The following USP39 variants were observed in gnomAD, a reference collection of about 807,000 sequenced individuals.
The protein encoded by USP39 is ubiquitin specific peptidase 39, also known as ubiquitin carboxyl-terminal hydrolase 39.
In USP39, 38 loss-of-function variants were observed where a neutral mutation model predicts 66.4. That is an observed-to-expected ratio of 0.57 (90% CI 0.44 to 0.75). The LOEUF is 0.75. Among genes scored for constraint, USP39 ranks in the 30% least tolerant of loss-of-function variants. The pLI is 0.00. For synonymous variants in USP39, 303 were observed against 274.6 expected (o/e 1.10, Z -1.02); for missense variants, 608 against 714.4 (o/e 0.85, Z 1.70).
intron 2 of USP39, 172 bp from the exon 3 acceptor site, chr2:85,621,313 C>T (rs1035830175): frequency 1.2e-5 from 7 of 572,032 alleles, no homozygotes; most frequent in South Asian, 6.4e-5. Context: ...TGCTTTGGAG[C>T]ATGGCGGGTG....
upstream of USP39, chr2:85,609,049 C>A (rs767273605): frequency 6.2e-7 from 1 of 1,614,234 alleles, no homozygotes; most frequent in Non-Finnish European, 8.5e-7. Context: ...TTCTCACTCA[C>A]CTTTCCTGGG....
intron 7 of USP39, 28 bp from the exon 8 acceptor site, chr2:85,637,341 A>G (rs1675854176): frequency 1.2e-6 from 2 of 1,612,944 alleles, no homozygotes; most frequent in South Asian, 2.2e-5. Flanking sequence ...TCCTCACGGA[A>G]TTTGTCTCTT....
chr2:85,631,638 T>G (rs1056104464), intron 6 of USP39, among the ~76,000 whole-genome samples: 1 of 152,176 alleles, frequency 6.6e-6, no homozygotes, highest in Non-Finnish European at 1.5e-5. Flanking sequence ...CTTAGGGAAA[T>G]ACCAGGAGGC....
intron 8 of USP39, 72 bp downstream of exon 8, chr2:85,637,508 C>A (rs1675865736): frequency 2.0e-6 from 3 of 1,515,498 alleles, no homozygotes; most frequent in Non-Finnish European, 2.7e-6. Context: ...TGAAGAGATG[C>A]TCAGAGAACT....
At chr2:85,634,245 A>G (rs1675590698) in intron 6 of USP39, among the ~76,000 whole-genome samples, 1 of 151,868 alleles carries the variant, frequency 6.6e-6, no homozygotes, top group Non-Finnish European at 1.5e-5. Context: ...AGGAAATAAG[A>G]TACACTTCGG....
At chr2:85,609,348 T>G (rs1573373152), upstream of USP39, 3 of 1,527,838 alleles carry the variant, frequency 2.0e-6, no homozygotes, top group Non-Finnish European at 2.7e-6. Context: ...CCATTGGGGG[T>G]CCTGAGGAAA....
At chr2:85,617,053 G>C (rs113278010) in intron 1 of USP39, among the ~76,000 whole-genome samples, 1 of 151,398 alleles carries the variant, frequency 6.6e-6, no homozygotes, top group Non-Finnish European at 1.5e-5. Flanking sequence ...TCGAATGCCC[G>C]ATGTGGGGGC....
chr2:85,613,967 T>C (rs1673747587), upstream of USP39, among the ~76,000 whole-genome samples: 1 of 151,682 alleles, frequency 6.6e-6, no homozygotes, highest in Non-Finnish European at 1.5e-5. Context: ...GGGGTCTCTC[T>C]ATGTTGCCAA....
chr2:85,605,515 T>G (rs370045879), intron 1 of USP39, among the ~76,000 whole-genome samples: 28 of 152,200 alleles, frequency 1.8e-4, no homozygotes, highest in Admixed American at 8.5e-4. Flanking sequence ...TTCGGGTGGG[T>G]GCCTATGGCT....
At chr2:85,640,617 A>AT (rs1318860927) in intron 9 of USP39, among the ~76,000 whole-genome samples, 4 of 135,040 alleles carry the variant, frequency 3.0e-5, no homozygotes, top group Admixed American at 7.0e-5. Flanking sequence ...ATATATATAT[A>AT]TATTTTTTTT....
chr2:85,647,481 C>A (rs1482229442), intron 11 of USP39, among the ~76,000 whole-genome samples: 1 of 151,212 alleles, frequency 6.6e-6, no homozygotes, highest in Non-Finnish European at 1.5e-5. Flanking sequence ...CTGGGCAACA[C>A]AGTGGGACCC....
upstream of USP39, among the ~76,000 whole-genome samples, chr2:85,615,413 A>G (rs1468466845): frequency 6.6e-6 from 1 of 152,156 alleles, no homozygotes; most frequent in Non-Finnish European, 1.5e-5. Flanking sequence ...GCAGGTCCTG[A>G]GGTTAGAGCT....
At chr2:85,612,198 A>T, upstream of USP39, 2 of 1,072,188 alleles carry the variant, frequency 1.9e-6, no homozygotes, top group South Asian at 3.1e-5. Flanking sequence ...CACCCCCCGG[A>T]CGGAGGGCTT....
chr2:85,625,679 C>T lies in USP39; in HGVS notation c.711C>T (p.Asn237=), dbSNP rs769279959. The change falls in exon 5 of 13, where the codon AAC becomes AAT. Residue 237 remains asparagine (N), a synonymous_variant. Transcript: ENST00000323701. ...ACATAAAGGCCAATGATTATGCCAA[C>T]GCTGTCCTTCAGGTAAGATCAAGAC... ...LNNIKANDYA[N]AVLQALSNVP... The T allele has an allele frequency of 6.3e-5, 102 of 1,612,816 alleles. No homozygotes were observed. The South Asian group carries it at 6.6e-4, about 10-fold the overall frequency.
intron 9 of USP39, among the ~76,000 whole-genome samples, chr2:85,640,526 T>C (rs954449360): frequency 6.6e-6 from 1 of 151,768 alleles, no homozygotes; most frequent in Non-Finnish European, 1.5e-5. Context: ...TGGCCTCAAG[T>C]GATCTGCCTG....
intron 1 of USP39, among the ~76,000 whole-genome samples, chr2:85,618,646 A>G (rs1170952472): frequency 1.3e-5 from 2 of 151,948 alleles, no homozygotes; most frequent in Non-Finnish European, 2.9e-5. Flanking sequence ...TGCTTGTGAC[A>G]TATTTCATAT....
rs1482772504 is a variant in USP39 at position 85,639,472 on chromosome 2, A to AC, written c.1284+81_1284+82insC. ...TCATTTTCTTTTTTTTTTTTTTTTC[A>AC]AGACAGAGTTTTGCTCTTGTCGCCC... On this transcript the variant is annotated intron_variant, in intron 9 of 12. Coordinates refer to ENST00000323701, the MANE Select transcript of USP39 (RefSeq NM_006590.4). 2.5e-6 allele frequency: 3 copies of AC among 1,195,522 alleles called. No homozygotes were observed. The African/African-American group carries it at 5.6e-5, about 22-fold the overall frequency. The allele number at this position is 1,195,522 out of a possible 1,614,324, so 74.1% of individuals were successfully genotyped here. A position where few individuals can be genotyped will look rare whatever the true frequency, so the allele number is the denominator to read the frequency against.
chr2:85,612,805 C>T (rs1311789953), upstream of USP39, among the ~76,000 whole-genome samples: 6 of 151,958 alleles, frequency 3.9e-5, no homozygotes, highest in African/African-American at 1.5e-4. Flanking sequence ...GGACTACATG[C>T]GCGTGCCACC....
intron 10 of USP39, among the ~76,000 whole-genome samples, chr2:85,642,054 G>T (rs1011359459): frequency 1.3e-5 from 2 of 151,956 alleles, no homozygotes; most frequent in Admixed American, 6.6e-5. Flanking sequence ...CATAGTTTGC[G>T]TGTTTTCTGG....
Sources: gnomAD v4.1 joint callset for allele counts (sites outside exome capture counted in the v4.1 genomes callset) on GRCh38, gnomAD v4.1.1 for gene constraint, MANE v1.5 for transcripts, NCBI Gene and HGNC (gene_info 2026-07-23, HGNC 2026-07-21) for gene names.